The following HIP1 variants were observed in gnomAD, a reference collection of about 807,000 sequenced individuals.
The protein encoded by HIP1 is huntingtin-interacting protein 1.
Under a neutral mutation model 147.6 loss-of-function variants are expected in HIP1, and 65 were observed. The observed-to-expected ratio is 0.44, with a 90% CI of 0.36 to 0.54. The LOEUF (loss-of-function observed/expected upper bound fraction) is 0.54. Among genes scored for constraint, HIP1 ranks in the 20% least tolerant of loss-of-function variants. The pLI is 0.00. For missense variants in HIP1, 1,061 were observed against 1,299.6 expected (o/e 0.82, Z 2.82); for synonymous variants, 479 against 504.0 (o/e 0.95, Z 0.67).
intron 1 of HIP1, among the ~76,000 whole-genome samples, chr7:75,714,543 C>T (rs1304139798): frequency 1.3e-5 from 2 of 151,386 alleles, no homozygotes; most frequent in African/African-American, 4.9e-5. Flanking sequence ...ACCACTGCCT[C>T]CCGGGCTCAA....
intron 1 of HIP1, among the ~76,000 whole-genome samples, chr7:75,616,650 C>T (rs1554506115): frequency 6.6e-6 from 1 of 150,826 alleles, no homozygotes; most frequent in Admixed American, 6.6e-5. Flanking sequence ...GAAATAGTAG[C>T]AGCAGGAAGC....
At chr7:75,656,554 C>T (rs1185204417) in intron 1 of HIP1, among the ~76,000 whole-genome samples, 8 of 152,014 alleles carry the variant, frequency 5.3e-5, no homozygotes, top group South Asian at 2.1e-4. Context: ...CTCGGCTCAC[C>T]GCAACCTCTG....
intron 1 of HIP1, among the ~76,000 whole-genome samples, chr7:75,602,751 T>G (rs1284261181): frequency 2.6e-5 from 4 of 151,952 alleles, no homozygotes; most frequent in African/African-American, 4.8e-5. Flanking sequence ...TAACCTCTGT[T>G]GTAAGTTGAA....
intron 1 of HIP1, among the ~76,000 whole-genome samples, chr7:75,709,207 G>C (rs1252699077): frequency 3.3e-5 from 5 of 150,880 alleles, no homozygotes; most frequent in African/African-American, 1.2e-4. Flanking sequence ...CCACCTACTG[G>C]GTTCAAGCGA....
intron 1 of HIP1, among the ~76,000 whole-genome samples, chr7:75,634,966 A>AG (rs1584904708): frequency 7.1e-6 from 1 of 139,928 alleles, no homozygotes. Context: ...AAAAAAAAAA[A>AG]GGAAACAAAA....
Position 75,553,477 on chromosome 7 carries a change from C to G in HIP1, c.2271G>C (p.Leu757=), listed in dbSNP as rs1794867205. The change falls in exon 22 of 31, where the codon CTG becomes CTC. Residue 757 remains leucine, a synonymous_variant. Transcript: ENST00000336926. ...CCTCGCCGATGGCCTTGATCTTGCTCAGGCAGTTCCTCATGGCTGTGCTGT... is the reference window on the plus strand; with the variant it reads ...CCTCGCCGATGGCCTTGATCTTGCTGAGGCAGTTCCTCATGGCTGTGCTGT... ...NADSTAMRNC[L]SKIKAIGEEL... The G allele has an allele frequency of 1.9e-6, 3 of 1,614,152 alleles. No homozygotes were observed. Among genetic ancestry groups the G allele is most frequent in the East Asian group, 4.5e-5 (2 of 44,882 alleles).
At chr7:75,585,973 C>A (rs1432366893) in intron 5 of HIP1, among the ~76,000 whole-genome samples, 1 of 149,050 alleles carries the variant, frequency 6.7e-6, no homozygotes, top group African/African-American at 2.5e-5. Flanking sequence ...CACTACCACG[C>A]CCGGCTAATT....
Position 75,534,627 on chromosome 7 carries a change from T to C in HIP1, c.*3545A>G, listed in dbSNP as rs1794015965. On this transcript the variant is annotated 3_prime_UTR_variant, in exon 31 of 31. Transcript: ENST00000336926. ...TTTTGTATTTTTAGTAGAGACGGGG[T>C]TTCACCATGTTGGCCAGGCTAGTCT... 1 of 175,216 alleles carries C rather than the reference T, an allele frequency of 5.7e-6. No individual in the cohort carries two copies. Among genetic ancestry groups the C allele is most frequent in the Non-Finnish European group, 1.2e-5 (1 of 81,254 alleles). The allele number at this position is 175,216 out of a possible 1,614,324, so 10.9% of individuals were successfully genotyped here.
chr7:75,579,635 T>C (rs1272609514), intron 7 of HIP1, among the ~76,000 whole-genome samples: 1 of 152,078 alleles, frequency 6.6e-6, no homozygotes, highest in Non-Finnish European at 1.5e-5. Context: ...TGAAGACTGG[T>C]CAATGTATTA....
chr7:75,635,741 C>T (rs1415942363), intron 1 of HIP1, among the ~76,000 whole-genome samples: 5 of 151,824 alleles, frequency 3.3e-5, no homozygotes, highest in Non-Finnish European at 5.9e-5. Context: ...CATGCAGGGA[C>T]GCAATGTACA....
At chr7:75,702,383 C>T (rs1800864747) in intron 1 of HIP1, among the ~76,000 whole-genome samples, 1 of 152,110 alleles carries the variant, frequency 6.6e-6, no homozygotes, top group Non-Finnish European at 1.5e-5. Context: ...GCTGGGATTA[C>T]AGGCGTGAGC....
chr7:75,635,305 C>G (rs782019932), intron 1 of HIP1, among the ~76,000 whole-genome samples: 1 of 152,074 alleles, frequency 6.6e-6, no homozygotes, highest in Non-Finnish European at 1.5e-5. Flanking sequence ...GCCCCAAGAG[C>G]TGTCAACTGA....
intron 12 of HIP1, 139 bp downstream of exon 12, chr7:75,561,934 A>G (rs1207002277): frequency 1.6e-6 from 1 of 621,892 alleles, no homozygotes; most frequent in African/African-American, 1.8e-5. Context: ...GGCATAAGCC[A>G]TTGCCCCCAA....
intron 1 of HIP1, among the ~76,000 whole-genome samples, chr7:75,643,584 G>A (rs910401183): frequency 2.6e-5 from 4 of 152,224 alleles, no homozygotes; most frequent in African/African-American, 9.6e-5. Flanking sequence ...ACCTGGGAAG[G>A]GCAGTGGGAT....
At chr7:75,564,306 T>G (rs587658763) in intron 9 of HIP1, among the ~76,000 whole-genome samples, 8 of 135,984 alleles carry the variant, frequency 5.9e-5, no homozygotes, top group African/African-American at 2.4e-4. Context: ...TGTTTGTTTA[T>G]TTTTTGAGAT....
At chr7:75,582,196 G>A (rs1554498749) in intron 5 of HIP1, 45 bp from the exon 6 acceptor site, 6 of 1,504,520 alleles carry the variant, frequency 4.0e-6, no homozygotes, top group African/African-American at 2.7e-5. Flanking sequence ...AAGACATGAA[G>A]AGCCCTCTCT....
At chr7:75,642,570 T>A (rs1798682366) in intron 1 of HIP1, among the ~76,000 whole-genome samples, 1 of 152,094 alleles carries the variant, frequency 6.6e-6, no homozygotes, top group South Asian at 2.1e-4. Flanking sequence ...TATGGTTTAT[T>A]TGGTTCTCAA....
chr7:75,604,361 C>A (rs1563238084), intron 1 of HIP1, among the ~76,000 whole-genome samples: 1 of 152,108 alleles, frequency 6.6e-6, no homozygotes, highest in Non-Finnish European at 1.5e-5. Context: ...GGAAGAGGAC[C>A]ACACCAGGTA....
Position 75,533,729 on chromosome 7 carries a change from A to T in HIP1, c.*4443T>A. On this transcript the variant is annotated 3_prime_UTR_variant, in exon 31 of 31. Transcript: ENST00000336926. ...CTCAGAATCGAACCCAACAGCATTG[A>T]ATTGTTTCCTGTTGCTTTGGCTCCT... 4.3e-6 allele frequency: 1 copy of T among 232,716 alleles called. No individual in the cohort carries two copies. Among genetic ancestry groups the T allele is most frequent in the East Asian group, 6.1e-5 (1 of 16,482 alleles). 14.4% of individuals were successfully genotyped at this position (232,716 alleles called of 1,614,324 possible).
Sources: gnomAD v4.1 joint callset for allele counts (sites outside exome capture counted in the v4.1 genomes callset) on GRCh38, gnomAD v4.1.1 for gene constraint, MANE v1.5 for transcripts, NCBI Gene and HGNC (gene_info 2026-07-23, HGNC 2026-07-21) for gene names.